LMNB2: variants seen among roughly 807,000 people sequenced by gnomAD.
LMNB2 encodes the protein lamin-B2.
LMNB2 carries 17 observed loss-of-function variants against 69.3 expected under a neutral mutation model. The observed-to-expected ratio is 0.25, with a 90% CI of 0.17 to 0.37. LMNB2 has a LOEUF of 0.37. LMNB2 is among the 10% of genes least tolerant of loss of function. The pLI is 1.00. For synonymous variants in LMNB2, 397 were observed against 389.3 expected, an observed-to-expected ratio of 1.02 and a Z score of -0.23; for missense variants, 789 against 883.6, an observed-to-expected ratio of 0.89 and a Z score of 1.36.
chr19:2,434,753 AG>A, intron 6 of LMNB2, 34 bp downstream of exon 6: 1 of 1,584,388 alleles, frequency 6.3e-7, no homozygotes. Flanking sequence ...AAGTTGGGCC[AG>A]GGGGACGGCA....
intron 2 of LMNB2, among the ~76,000 whole-genome samples, chr19:2,441,744 G>A (rs1381007106): frequency 2.0e-5 from 3 of 152,244 alleles, no homozygotes; most frequent in South Asian, 2.1e-4. Flanking sequence ...GGGCAGGGCT[G>A]GAGTGGGGCT....
At position 2,434,044 on chromosome 19, in the gene LMNB2, T is replaced by A. The variant is rs751986614; in HGVS notation, c.1264A>T (p.Ser422Cys). 2 of 1,602,382 alleles carry A rather than the reference T, an allele frequency of 1.2e-6. No homozygotes were observed. The highest frequency in any genetic ancestry group is 1.7e-6 in the Non-Finnish European group (2 of 1,175,772). ...VTVSRATSSS[S>C]GSLSATGRLG... ...CGCCCGGTGGCGGACAAGCTGCCGC[T>A]GCTGCTCGAGGTGGCTCGTGAGACG... Residue 422 changes from serine to cysteine, a missense_variant, in exon 8 of 12, where the codon AGC (serine) becomes TGC (cysteine). Ser to Cys is a moderately radical substitution (Grantham distance 112, BLOSUM62 -1). Transcript: ENST00000325327.
chr19:2,440,927 G>A (rs892749816), intron 2 of LMNB2, among the ~76,000 whole-genome samples: 3 of 152,092 alleles, frequency 2.0e-5, no homozygotes, highest in Non-Finnish European at 2.9e-5. Context: ...TGTGTGACCC[G>A]GGGAGGGAGG....
intron 2 of LMNB2, among the ~76,000 whole-genome samples, chr19:2,440,774 T>C (rs1971891319): frequency 6.6e-6 from 1 of 150,584 alleles, no homozygotes; most frequent in Non-Finnish European, 1.5e-5. Context: ...TATCTATCCA[T>C]TATCTATCCA....
In LMNB2 at chr19:2,453,023, CTCGTGGGGGCTGGG is replaced by C. The variant is rs1972045510; in HGVS notation, c.264+3633_264+3646del. 1.1e-5 allele frequency among the ~76,000 whole-genome samples: 1 copy of C among 88,918 alleles called. No individual in the cohort carries two copies. Among genetic ancestry groups the C allele is most frequent in the Admixed American group, 1.3e-4 (1 of 7,722 alleles). The allele number at this position is 88,918 out of a possible 152,430, so 58.3% of individuals were successfully genotyped here. ...TCATCCTAATGGGGGCTGGGTCATC[CTCGTGGGGGCTGGG>C]TCATCCTCGTGGGGGCTGGGTCATC... On this transcript the variant is annotated intron_variant, in intron 1 of 11. Transcript: ENST00000325327. The surrounding 1 kb of genome is among the most constrained non-coding windows in gnomAD (Gnocchi z 4.4).
chr19:2,431,970 G>GT lies in LMNB2; in HGVS notation c.1591-69_1591-68insA, dbSNP rs1184879900. On this transcript the variant is annotated intron_variant, in intron 9 of 11. Transcript: ENST00000325327. ...TTCCAGGGACGTGGGCCAGCCAGTG[G>GT]CCCCTACCACAAAGCCCCCTTCAAT... The GT allele has an allele frequency of 9.7e-6, 15 of 1,550,186 alleles. No homozygotes were observed. The Admixed American group carries it at 2.8e-4, about 29-fold the overall frequency.
rs779875102 is a variant in LMNB2 at position 2,435,137 on chromosome 19, C to T, written c.719G>A (p.Arg240His). ...VRETRRRHER[R>H]LVEVDSSRQQ... is the part of the protein sequence containing the mutation. ...CCGGCTGCTGTCCACCTCCACCAGG[C>T]GCCGCTCGTGCCGCCGCCGCGTCTC... is the stretch of plus-strand genomic sequence containing the variant. The change falls in exon 5 of 12, where the codon CGC (arginine) becomes CAC (histidine). Residue 240 changes from arginine (R) to histidine (H), a missense_variant. Coordinates refer to ENST00000325327, the MANE Select transcript of LMNB2 (RefSeq NM_032737.4). 23 of 1,605,732 alleles carry T rather than the reference C, an allele frequency of 1.4e-5. No individual in the cohort carries two copies. The highest frequency in any genetic ancestry group is 4.5e-5 in the East Asian group (2 of 44,882).
chr19:2,446,379 A>G (rs1288152430), intron 1 of LMNB2, among the ~76,000 whole-genome samples: 1 of 151,754 alleles, frequency 6.6e-6, no homozygotes, highest in Non-Finnish European at 1.5e-5. Flanking sequence ...AAAGCCCCCA[A>G]ACCCGCCCCT....
In LMNB2 at chr19:2,447,825, C is replaced by A. The variant is rs1280762465; in HGVS notation, c.265-3285G>T. ...GACCGGGCCTCTTCTGAGGTGGGAC[C>A]CTCAGCCTCAAACCAACGCATGCTG... On this transcript the variant is annotated intron_variant, in intron 1 of 11. Transcript: ENST00000325327. This position sits in a 1 kb window ranked among gnomAD's most constrained non-coding sequence, Gnocchi z 4.4. Among the ~76,000 whole-genome samples, 1 of 152,190 alleles carries A rather than the reference C, an allele frequency of 6.6e-6. No individual in the cohort carries two copies. The highest frequency in any genetic ancestry group is 1.5e-5 in the Non-Finnish European group (1 of 68,022).
rs1236069561 is a variant in LMNB2, at chr19:2,430,691, G to T, written c.*220C>A. On this transcript the variant is annotated 3_prime_UTR_variant, in exon 12 of 12. Transcript: ENST00000325327. ...GACCAAATGGTGAGATGAGGAGTGGGGTGGGATTGAAAAGTCTCCGGGGCA... is the reference window on the plus strand; with the variant it reads ...GACCAAATGGTGAGATGAGGAGTGGTGTGGGATTGAAAAGTCTCCGGGGCA... 1 of 633,220 alleles carries T rather than the reference G, an allele frequency of 1.6e-6. No individual in the cohort carries two copies. Among genetic ancestry groups the T allele is most frequent in the Non-Finnish European group, 2.9e-6 (1 of 344,942 alleles). The allele number at this position is 633,220 out of a possible 1,614,324, so 39.2% of individuals were successfully genotyped here. A position where few individuals can be genotyped will look rare whatever the true frequency, so the allele number is the denominator to read the frequency against.
Position 2,434,857 on chromosome 19 carries a change from G to A in LMNB2, c.912C>T (p.Arg304=), listed in dbSNP as rs202001996. 4.7e-5 allele frequency: 75 copies of A among 1,607,810 alleles called. No individual in the cohort carries two copies. The highest frequency in any genetic ancestry group is 6.2e-5 in the Non-Finnish European group (73 of 1,179,232). Residue 304 remains arginine, a synonymous_variant, in exon 6 of 12, where the codon CGC becomes CGT. Transcript: ENST00000325327. ...DQNDKAASAA[R]EELKEARMRL... The stretch of plus-strand genomic sequence containing the variant: ...GCATGCGGGCCTCCTTCAGCTCCTC[G>A]CGAGCCGCACTGGCCGCCTTGTCGT...
intron 1 of LMNB2, among the ~76,000 whole-genome samples, chr19:2,456,274 C>A (rs1044754319): frequency 6.7e-6 from 1 of 149,406 alleles, no homozygotes; most frequent in African/African-American, 2.5e-5. Flanking sequence ...ACCCCTCACT[C>A]AGAAGCCCCC....
chr19:2,454,413 G>C (rs967817886), intron 1 of LMNB2, among the ~76,000 whole-genome samples: 13 of 151,866 alleles, frequency 8.6e-5, no homozygotes, highest in African/African-American at 3.1e-4. Flanking sequence ...AGGGCACTGT[G>C]AAAACAACCC....
chr19:2,449,016 A>G (rs950731239), intron 1 of LMNB2, among the ~76,000 whole-genome samples: 2 of 152,138 alleles, frequency 1.3e-5, no homozygotes, highest in African/African-American at 2.4e-5. Flanking sequence ...AGCTGCCCCA[A>G]TAGCTGGGAC....
At position 2,432,437 on chromosome 19, in the gene LMNB2, C is replaced by T. The variant is rs375419899; in HGVS notation, c.1569G>A (p.Leu523=). 6.2e-7 allele frequency: 1 copy of T among 1,613,452 alleles called. No homozygotes were observed. The change falls in exon 9 of 12, where the codon CTG becomes CTA. Residue 523 remains leucine (L), a synonymous_variant. Coordinates refer to ENST00000325327, the MANE Select transcript of LMNB2 (RefSeq NM_032737.4). ...IAYKFTPKYI[L]RAGQMVTVWA... is the part of the protein sequence containing the mutation. ...CTACCGTGACCATCTGGCCGGCGCG[C>T]AGGATGTACTTGGGCGTGAACTTGT...
rs566495413 is a variant in LMNB2 at position 2,447,016 on chromosome 19, C to T, written c.265-2476G>A. Among the ~76,000 whole-genome samples, 35 of 151,938 alleles carry T rather than the reference C, an allele frequency of 2.3e-4. 1 individual carries two copies. The South Asian group carries it at 4.4e-3, about 19-fold the overall frequency. ...AAAATTAGCCAGGCGTGGTGGTGGGCGCCTGTGGTCCCAGCTACTTGGGAG... is the reference window on the plus strand; with the variant it reads ...AAAATTAGCCAGGCGTGGTGGTGGGTGCCTGTGGTCCCAGCTACTTGGGAG... On this transcript the variant is annotated intron_variant, in intron 1 of 11. Coordinates refer to ENST00000325327, the MANE Select transcript of LMNB2 (RefSeq NM_032737.4). This position sits in a 1 kb window ranked among gnomAD's most constrained non-coding sequence, Gnocchi z 4.4.
intron 2 of LMNB2, among the ~76,000 whole-genome samples, chr19:2,442,655 C>T (rs973633780): frequency 4.6e-5 from 7 of 151,826 alleles, no homozygotes; most frequent in African/African-American, 1.7e-4. Flanking sequence ...GGGGCTGAGG[C>T]AGGATCACCT....
At chr19:2,446,348 G>A (rs1420870624) in intron 1 of LMNB2, among the ~76,000 whole-genome samples, 1 of 151,762 alleles carries the variant, frequency 6.6e-6, no homozygotes, top group Non-Finnish European at 1.5e-5. Flanking sequence ...GCTAAAGAAA[G>A]CCCCTCCCTA....
intron 4 of LMNB2, chr19:2,436,910 G>C (rs999277771): frequency 6.6e-6 from 1 of 152,418 alleles, no homozygotes; most frequent in African/African-American, 2.4e-5. Context: ...TCTTTTCCCA[G>C]GTGCCCTGTG....
Sources: gnomAD v4.1 joint callset for allele counts (sites outside exome capture counted in the v4.1 genomes callset) on GRCh38, gnomAD v4.1.1 for gene constraint, Gnocchi (gnomAD v3.1) non-coding constraint, MANE v1.5 for transcripts, NCBI Gene and HGNC (gene_info 2026-07-23, HGNC 2026-07-21) for gene names.